The following PXDNL variants were observed in gnomAD, a reference collection of about 807,000 sequenced individuals.
PXDNL encodes peroxidasin like, also known as probable oxidoreductase PXDNL.
PXDNL carries 145 observed loss-of-function variants against 150.8 expected under a neutral mutation model. The observed-to-expected ratio is 0.96, with a 90% CI of 0.84 to 1.10. The LOEUF is 1.10. PXDNL is among the 50% of genes least tolerant of loss of function. The pLI is 0.00. For synonymous variants in PXDNL, 757 were observed against 725.7 expected (o/e 1.04, Z -0.69); for missense variants, 2,087 against 1,873.9 (o/e 1.11, Z -2.10).
chr8:51,712,627 C>A (rs1816523331), intron 1 of PXDNL, among the ~76,000 whole-genome samples: 1 of 152,134 alleles, frequency 6.6e-6, no homozygotes, highest in Non-Finnish European at 1.5e-5. Flanking sequence ...TGTAAACAGA[C>A]AACCTTAGTT....
At chr8:51,419,723 TA>T (rs1808896426) in intron 14 of PXDNL, among the ~76,000 whole-genome samples, 1 of 152,208 alleles carries the variant, frequency 6.6e-6, no homozygotes, top group Non-Finnish European at 1.5e-5. Flanking sequence ...TACAGTAAGT[TA>T]TTATTAAATA....
chr8:51,434,486 C>G (rs994103367), intron 12 of PXDNL, among the ~76,000 whole-genome samples: 1 of 152,164 alleles, frequency 6.6e-6, no homozygotes, highest in African/African-American at 2.4e-5. Context: ...GCATCTTTTC[C>G]AAGAGAACAG....
chr8:51,326,077 G>C (rs1438765253), intron 21 of PXDNL, among the ~76,000 whole-genome samples: 1 of 152,134 alleles, frequency 6.6e-6, no homozygotes, highest in East Asian at 1.9e-4. Context: ...AACTACCCAG[G>C]AAAGAGCATC....
chr8:51,415,143 G>T (rs1395804681), intron 14 of PXDNL, among the ~76,000 whole-genome samples: 1 of 152,130 alleles, frequency 6.6e-6, no homozygotes, highest in African/African-American at 2.4e-5. Context: ...ATGCATATAT[G>T]CAGAAAAATT....
chr8:51,420,122 G>GT (rs948395913), intron 14 of PXDNL, among the ~76,000 whole-genome samples: 2 of 152,144 alleles, frequency 1.3e-5, no homozygotes, highest in African/African-American at 4.8e-5. Flanking sequence ...TTCTATGGCT[G>GT]TAATTCCCAA....
intron 14 of PXDNL, among the ~76,000 whole-genome samples, chr8:51,417,061 T>C (rs565723716): frequency 2.6e-5 from 4 of 152,346 alleles, no homozygotes; most frequent in Admixed American, 1.3e-4. Context: ...CACTGTGTTA[T>C]GTAAGCAAAT....
intron 19 of PXDNL, among the ~76,000 whole-genome samples, chr8:51,366,285 G>A (rs1207685480): frequency 6.6e-6 from 1 of 152,182 alleles, no homozygotes; most frequent in Non-Finnish European, 1.5e-5. Flanking sequence ...GCCAATCAAA[G>A]GCAGCCAACT....
intron 12 of PXDNL, among the ~76,000 whole-genome samples, chr8:51,429,304 G>C (rs975513661): frequency 6.6e-6 from 1 of 152,218 alleles, no homozygotes; most frequent in Non-Finnish European, 1.5e-5. Context: ...ATGTGGCCGG[G>C]TGCAGTGGCT....
intron 7 of PXDNL, among the ~76,000 whole-genome samples, chr8:51,473,907 T>TAA (rs944275950): frequency 2.0e-5 from 3 of 152,174 alleles, no homozygotes; most frequent in African/African-American, 7.2e-5. Context: ...GATGTGTTTT[T>TAA]AAACAATTTT....
chr8:51,530,914 CTGAT>C lies in PXDNL; in HGVS notation c.380+25922_380+25925del, dbSNP rs565407478. 3.2e-4 allele frequency among the ~76,000 whole-genome samples: 48 copies of C among 152,280 alleles called. No individual in the cohort carries two copies. The East Asian group carries it at 8.3e-3, about 26-fold the overall frequency. On this transcript the variant is annotated intron_variant, in intron 4 of 22. Transcript: ENST00000356297. ...AGGCCAGTACTTTGTTTTTTATTCACTGATTGATTTCCAGTGCCTAGAAAGAAAA... is the reference window on the plus strand; with the variant it reads ...AGGCCAGTACTTTGTTTTTTATTCACTGATTTCCAGTGCCTAGAAAGAAAA...
intron 1 of PXDNL, among the ~76,000 whole-genome samples, chr8:51,805,771 T>G (rs763842445): frequency 8.6e-4 from 131 of 152,192 alleles, no homozygotes; most frequent in Non-Finnish European, 1.5e-3. Context: ...CTTTTTCTAA[T>G]CAAGGTGGTT....
chr8:51,809,225 C>CAAGTGCATGCAGCGGACGGTGCTCTT lies in PXDNL; in HGVS notation c.94_119dup (p.Met41ArgfsTer9). 6.2e-7 allele frequency: 1 copy of CAAGTGCATGCAGCGGACGGTGCTCTT among 1,613,554 alleles called. No homozygotes were observed. The highest frequency in any genetic ancestry group is 8.5e-7 in the Non-Finnish European group (1 of 1,179,754). ...GTACCTGAGGAATGTGGTCCAGCAT[C>CAAGTGCATGCAGCGGACGGTGCTCTT]AAGTGCATGCAGCGGACGGTGCTCT... is the stretch of plus-strand genomic sequence containing the variant. On this transcript the variant is annotated frameshift_variant, in exon 1 of 23. Transcript: ENST00000356297. LOFTEE classifies it high-confidence loss of function.
At chr8:51,329,497 G>A (rs75456291) in intron 21 of PXDNL, among the ~76,000 whole-genome samples, 4,812 of 152,162 alleles carry the variant, frequency 0.032, 243 homozygotes, top group African/African-American at 0.11. Flanking sequence ...TTTACAAGGC[G>A]TGCTCCAAAG....
At chr8:51,363,796 C>A (rs1206816285) in intron 19 of PXDNL, among the ~76,000 whole-genome samples, 1 of 152,122 alleles carries the variant, frequency 6.6e-6, no homozygotes, top group East Asian at 1.9e-4. Flanking sequence ...ATTTTCAGTG[C>A]ATGTTTTCTG....
intron 3 of PXDNL, among the ~76,000 whole-genome samples, chr8:51,579,182 G>A (rs558175548): frequency 1.3e-5 from 2 of 152,058 alleles, no homozygotes; most frequent in African/African-American, 4.8e-5. Flanking sequence ...TTACAGACTG[G>A]AAGAAAATAT....
chr8:51,692,677 C>T (rs889965661), intron 1 of PXDNL, among the ~76,000 whole-genome samples: 16 of 152,160 alleles, frequency 1.1e-4, no homozygotes, highest in African/African-American at 3.9e-4. Flanking sequence ...CTTCCCATGC[C>T]AACACCGTAA....
intron 1 of PXDNL, among the ~76,000 whole-genome samples, chr8:51,796,330 C>CACA (rs1462647558): frequency 1.4e-5 from 2 of 142,222 alleles, no homozygotes; most frequent in Non-Finnish European, 3.0e-5. Context: ...TAGAGACACA[C>CACA]ACAACAACAA....
chr8:51,670,740 A>C (rs1041531223), intron 1 of PXDNL, among the ~76,000 whole-genome samples: 11 of 152,166 alleles, frequency 7.2e-5, no homozygotes, highest in African/African-American at 2.4e-4. Flanking sequence ...AGATTTGTTA[A>C]CCCACTGCAT....
chr8:51,805,442 A>G (rs1408560214), intron 1 of PXDNL, among the ~76,000 whole-genome samples: 2 of 148,048 alleles, frequency 1.4e-5, no homozygotes, highest in Non-Finnish European at 3.0e-5. Flanking sequence ...TTTTATGTAT[A>G]TATACAAAAT....
Sources: allele counts gnomAD v4.1 joint callset (sites outside exome capture counted in the v4.1 genomes callset), GRCh38; gene constraint gnomAD v4.1.1; transcripts MANE v1.5; gene names NCBI Gene and HGNC (gene_info 2026-07-23, HGNC 2026-07-21).